NAV1: variants seen among roughly 807,000 people sequenced by gnomAD.
NAV1 encodes the protein neuron navigator 1, also known as pore membrane and/or filament interacting like protein 3.
Under a neutral mutation model 175.2 loss-of-function variants are expected in NAV1, and 18 were observed. The observed-to-expected ratio is 0.10, with a 90% CI of 0.07 to 0.15. The LOEUF is 0.15. NAV1 is among the 10% of genes least tolerant of loss of function. The pLI is 1.00. For missense variants in NAV1, 1,731 were observed against 2,436.6 expected, an observed-to-expected ratio of 0.71 and a Z score of 6.10; for synonymous variants, 897 against 978.7, an observed-to-expected ratio of 0.92 and a Z score of 1.56.
Position 201,648,633 on chromosome 1 carries a change from G to C in NAV1, c.-36G>C. ...CCTGCCCCCTCCCCCCGTGCCTGCA[G>C]ACGCGCGGATCGTCCATGCGCTCCT... is the stretch of plus-strand genomic sequence containing the variant. On this transcript the variant is annotated 5_prime_UTR_variant, in exon 1 of 30. Coordinates refer to ENST00000367296, the Ensembl canonical transcript of NAV1. The C allele has an allele frequency of 7.7e-7, 1 of 1,292,964 alleles. No individual in the cohort carries two copies. Among genetic ancestry groups the C allele is most frequent in the Non-Finnish European group, 9.8e-7 (1 of 1,025,298 alleles). The allele number at this position is 1,292,964 out of a possible 1,614,324, so 80.1% of individuals were successfully genotyped here.
At chr1:201,712,971 C>G in intron 2 of NAV1, 52 bp downstream of exon 6, 1 of 1,430,330 alleles carries the variant, frequency 7.0e-7, no homozygotes, top group South Asian at 1.1e-5. Flanking sequence ...TGGCTCTCCA[C>G]CCCATTCTGG....
chr1:201,662,105 C>A (rs1368385922), intron 1 of NAV1, among the ~76,000 whole-genome samples: 2 of 152,262 alleles, frequency 1.3e-5, no homozygotes, highest in East Asian at 3.8e-4. Context: ...AGCCACTATG[C>A]CATGAGGCCT....
At chr1:201,660,892 A>C (rs1669585195) in intron 1 of NAV1, among the ~76,000 whole-genome samples, 3 of 152,180 alleles carry the variant, frequency 2.0e-5, no homozygotes, top group Non-Finnish European at 4.4e-5. Flanking sequence ...CCAGGGTGGC[A>C]GGGGGAGCAC....
intron 3 of NAV1, among the ~76,000 whole-genome samples, chr1:201,726,260 T>TA (rs1672602433): frequency 2.6e-5 from 4 of 152,200 alleles, no homozygotes; most frequent in Non-Finnish European, 5.9e-5. Flanking sequence ...TGTTCATTTG[T>TA]AAAAAAGGTA....
chr1:201,624,290 C>T (rs916356339), intron 1 of NAV1, among the ~76,000 whole-genome samples: 1 of 150,504 alleles, frequency 6.6e-6, no homozygotes, highest in African/African-American at 2.4e-5. Context: ...TTTTTTCAGA[C>T]ACTGCAAGTT....
At chr1:201,560,117 G>A (rs115409020) in intron 1 of NAV1, among the ~76,000 whole-genome samples, 1,782 of 152,142 alleles carry the variant, frequency 0.012, 28 homozygotes, top group African/African-American at 0.04. Flanking sequence ...CTTGCTGGGT[G>A]GTATCAAAAA....
upstream of NAV1, among the ~76,000 whole-genome samples, chr1:201,647,817 C>T (rs1005063877): frequency 2.6e-5 from 4 of 152,052 alleles, no homozygotes; most frequent in African/African-American, 9.7e-5. Flanking sequence ...TCTCTCAGGC[C>T]CACGGGCCCA....
At chr1:201,619,590 C>T (rs553206712), upstream of NAV1, among the ~76,000 whole-genome samples, 5 of 152,276 alleles carry the variant, frequency 3.3e-5, no homozygotes, top group South Asian at 2.1e-4. Context: ...TTACACTTTC[C>T]GAGTTTCCTT....
At position 201,794,459 on chromosome 1, in the gene NAV1, C is replaced by G. The variant is rs745762219; in HGVS notation, c.3406-7C>G. ...CCCAGCCAACGCTATTTTCATTTCT[C>G]TCTTAGGACACTGAGCTGCTGGATT... On this transcript the variant is annotated splice_polypyrimidine_tract_variant and splice_region_variant and intron_variant, in intron 14 of 29. Coordinates refer to ENST00000367296, the Ensembl canonical transcript of NAV1. 1 of 1,611,608 alleles carries G rather than the reference C, an allele frequency of 6.2e-7. No individual in the cohort carries two copies. Among genetic ancestry groups the G allele is most frequent in the Non-Finnish European group, 8.5e-7 (1 of 1,179,082 alleles).
Position 201,718,530 on chromosome 1 carries a change from G to A in NAV1, c.1001G>A (p.Gly334Asp), listed in dbSNP as rs764282936. ...CAGGCTGGTGACGCGCCCTCTGTGG[G>A]TGGGAGCTGCCGCTCGGAGGGGACG... Residue 334 changes from glycine to aspartate, a missense_variant, in exon 3 of 30, where the codon GGT (glycine) becomes GAT (aspartate). Coordinates refer to ENST00000367296, the Ensembl canonical transcript of NAV1. This position sits in a 1 kb window ranked among gnomAD's most constrained non-coding sequence, Gnocchi z 4.8. The A allele has an allele frequency of 5.0e-6, 8 of 1,612,042 alleles. No homozygotes were observed. The highest frequency in any genetic ancestry group is 6.8e-6 in the Non-Finnish European group (8 of 1,178,966).
chr1:201,726,024 G>A (rs987093918), intron 3 of NAV1, among the ~76,000 whole-genome samples: 1 of 152,194 alleles, frequency 6.6e-6, no homozygotes, highest in Non-Finnish European at 1.5e-5. Flanking sequence ...CCACAGTAAA[G>A]GAAGCAGTAT....
chr1:201,696,331 C>A (rs546033670), intron 1 of NAV1, among the ~76,000 whole-genome samples: 1 of 152,180 alleles, frequency 6.6e-6, no homozygotes, highest in African/African-American at 2.4e-5. Context: ...ATTAGGCAGT[C>A]GAGAGCAGCC....
intron 1 of NAV1, among the ~76,000 whole-genome samples, chr1:201,656,026 CT>C (rs1669391027): frequency 6.6e-6 from 1 of 152,138 alleles, no homozygotes; most frequent in Admixed American, 6.5e-5. Context: ...GGTTCACCCC[CT>C]AAGAGCTTTG....
intron 2 of NAV1, among the ~76,000 whole-genome samples, chr1:201,632,547 C>T (rs1269431404): frequency 1.3e-5 from 2 of 152,278 alleles, no homozygotes; most frequent in South Asian, 2.1e-4. Context: ...GACGTTACCG[C>T]GTGCCCACAT....
chr1:201,712,865 G>A (rs762413330), exon 2 of NAV1: 7 of 1,613,872 alleles, frequency 4.3e-6, no homozygotes, highest in African/African-American at 1.3e-5. Context: ...CTGGATCTCC[G>A]GCAGAACCTG....
At chr1:201,586,199 A>T (rs572389024) in intron 1 of NAV1, among the ~76,000 whole-genome samples, 1 of 152,138 alleles carries the variant, frequency 6.6e-6, no homozygotes, top group South Asian at 2.1e-4. Flanking sequence ...AAGTGAAATA[A>T]ACCAGCCACA....
intron 15 of NAV1, chr1:201,795,240 C>T (rs1033206099): frequency 1.3e-5 from 2 of 152,258 alleles, no homozygotes; most frequent in Non-Finnish European, 2.9e-5. Context: ...TTACTCTGAA[C>T]ATAGCTTTGG....
chr1:201,741,720 A>T (rs1571919601), intron 3 of NAV1, among the ~76,000 whole-genome samples: 1 of 152,084 alleles, frequency 6.6e-6, no homozygotes, highest in Non-Finnish European at 1.5e-5. Context: ...CTCTGAGCCT[A>T]TCACTCTTTC....
At chr1:201,709,524 G>A (rs1671807761) in intron 1 of NAV1, among the ~76,000 whole-genome samples, 1 of 152,160 alleles carries the variant, frequency 6.6e-6, no homozygotes, top group Non-Finnish European at 1.5e-5. Context: ...CTGAAGCTGT[G>A]GCTGTACCAC....
Sources: gnomAD v4.1 joint callset for allele counts (sites outside exome capture counted in the v4.1 genomes callset) on GRCh38, gnomAD v4.1.1 for gene constraint, Gnocchi (gnomAD v3.1) non-coding constraint, MANE v1.5 for transcripts, NCBI Gene and HGNC (gene_info 2026-07-23, HGNC 2026-07-21) for gene names.